MYO16: variants seen among roughly 807,000 people sequenced by gnomAD.
The protein encoded by MYO16 is myosin XVI.
Under a neutral mutation model 205.3 loss-of-function variants are expected in MYO16, and 94 were observed. The observed-to-expected ratio is 0.46, with a 90% CI of 0.39 to 0.54. MYO16 has a LOEUF of 0.54. Ranked by LOEUF, MYO16 falls within the 20% of genes least tolerant of loss-of-function variation. The pLI, the probability that MYO16 is intolerant of heterozygous loss-of-function variation, is 0.00. For missense variants in MYO16, 2,315 were observed against 2,387.5 expected (o/e 0.97, Z 0.63); for synonymous variants, 988 against 954.0 (o/e 1.04, Z -0.66).
intron 20 of MYO16, among the ~76,000 whole-genome samples, chr13:108,966,247 T>TA (rs2139377407): frequency 6.6e-6 from 1 of 152,294 alleles, no homozygotes; most frequent in African/African-American, 2.4e-5. Flanking sequence ...CCTATAAGTA[T>TA]AAAGATGATT....
At chr13:108,998,104 TG>T (rs772061750) in intron 21 of MYO16, among the ~76,000 whole-genome samples, 4 of 152,218 alleles carry the variant, frequency 2.6e-5, no homozygotes, top group Non-Finnish European at 5.9e-5. Flanking sequence ...AATATTTTAA[TG>T]CCCTTCATTG....
chr13:109,060,373 C>T (rs1000876737), intron 27 of MYO16, among the ~76,000 whole-genome samples: 1 of 152,018 alleles, frequency 6.6e-6, no homozygotes, highest in Non-Finnish European at 1.5e-5. Context: ...TATCAGCAAA[C>T]TGACACAGGA....
rs139325017 is a variant in MYO16 at position 109,058,984 on chromosome 13, C to T, written c.3335+3389C>T. ...AGAAAACACTTTGTTCATCCATAAG[C>T]AGCAACTCCTCATCCATTAATATTT... On this transcript the variant is annotated intron_variant, in intron 27 of 34. Transcript: ENST00000457511. Among the ~76,000 whole-genome samples the T allele has an allele frequency of 2.5e-3, 384 of 152,246 alleles. 2 individuals are homozygous for T. The highest frequency in any genetic ancestry group is 8.8e-3 in the African/African-American group (365 of 41,544).
At chr13:108,687,133 T>A (rs187597812) in intron 2 of MYO16, among the ~76,000 whole-genome samples, 2 of 152,344 alleles carry the variant, frequency 1.3e-5, no homozygotes, top group East Asian at 3.9e-4. Flanking sequence ...TTCCACACAA[T>A]GGAAGAAGAT....
At chr13:108,657,323 T>C (rs1017771918) in intron 1 of MYO16, among the ~76,000 whole-genome samples, 1 of 152,168 alleles carries the variant, frequency 6.6e-6, no homozygotes, top group African/African-American at 2.4e-5. Flanking sequence ...AAAGCCACAG[T>C]TAGGAAATGT....
rs748878171 is a variant in MYO16, at chr13:108,785,686, T to G, written c.559T>G (p.Tyr187Asp). The G allele has an allele frequency of 6.2e-7, 1 of 1,613,692 alleles. No homozygotes were observed. The highest frequency in any genetic ancestry group is 8.5e-7 in the Non-Finnish European group (1 of 1,179,886). The part of the protein sequence containing the change: ...QDVNGNIPLD[Y>D]AVEGTESSSI... The stretch of plus-strand genomic sequence containing the variant: ...TGTGAATGGAAATATCCCATTAGAT[T>G]ATGCTGTAGAAGGGACAGAATCCAG... The change falls in exon 5 of 35, where the codon TAT becomes GAT. Residue 187 changes from tyrosine to aspartate, a missense_variant. By Grantham distance (160) the Tyr-to-Asp change is radical. This residue lies in a region of MYO16 where 1,213 missense variants were observed against 1,274.4 expected (regional missense o/e 0.95). Transcript: ENST00000457511.
At chr13:109,104,317 T>C (rs1889058571) in intron 28 of MYO16, among the ~76,000 whole-genome samples, 1 of 152,252 alleles carries the variant, frequency 6.6e-6, no homozygotes, top group Admixed American at 6.5e-5. Flanking sequence ...TTTATTCATC[T>C]GAGCAGCCTG....
At chr13:108,802,666 T>C (rs865831045) in intron 6 of MYO16, among the ~76,000 whole-genome samples, 5 of 152,226 alleles carry the variant, frequency 3.3e-5, no homozygotes, top group African/African-American at 4.8e-5. Flanking sequence ...TTTTCCATAA[T>C]GGCTGTGCTA....
chr13:108,540,004 A>C, the MYO16 span, among the ~76,000 whole-genome samples: 2 of 152,144 alleles, frequency 1.3e-5, no homozygotes, highest in African/African-American at 2.4e-5. Flanking sequence ...AGGTTATGCA[A>C]CCAATGTTTG....
intron 23 of MYO16, among the ~76,000 whole-genome samples, chr13:109,034,926 A>G (rs1221328423): frequency 5.9e-5 from 9 of 152,188 alleles, no homozygotes; most frequent in Admixed American, 2.0e-4. Flanking sequence ...TTAAATAGAT[A>G]AGAAACTGTG....
chr13:109,089,558 A>T (rs570418657), intron 27 of MYO16, among the ~76,000 whole-genome samples: 1 of 152,072 alleles, frequency 6.6e-6, no homozygotes. Context: ...ATTATTCTGT[A>T]TGTTGGTTGT....
chr13:108,576,741 G>A, the MYO16 span, among the ~76,000 whole-genome samples: 11 of 152,092 alleles, frequency 7.2e-5, no homozygotes, highest in South Asian at 2.1e-3. Flanking sequence ...AGTGAACTTT[G>A]CAGTGTTTTT....
At chr13:108,847,929 G>A (rs1877605514) in intron 10 of MYO16, among the ~76,000 whole-genome samples, 1 of 151,658 alleles carries the variant, frequency 6.6e-6, no homozygotes, top group Non-Finnish European at 1.5e-5. Flanking sequence ...TTTAAATTAG[G>A]TTTAAGGTTG....
At chr13:108,651,259 G>A (rs1880990582) in intron 1 of MYO16, among the ~76,000 whole-genome samples, 1 of 152,140 alleles carries the variant, frequency 6.6e-6, no homozygotes, top group African/African-American at 2.4e-5. Context: ...CAACCTGCAG[G>A]GCATAGTACA....
intron 16 of MYO16, among the ~76,000 whole-genome samples, chr13:108,952,323 C>G (rs1054073863): frequency 1.3e-5 from 2 of 152,114 alleles, no homozygotes; most frequent in African/African-American, 4.8e-5. Context: ...TGCGTCCCAT[C>G]CGCCTTGCAG....
rs1229853625 is a variant in MYO16, at chr13:108,806,936, A to G, written c.867+132A>G. On this transcript the variant is annotated intron_variant, in intron 7 of 34. Coordinates refer to ENST00000457511, the MANE Select transcript of MYO16 (RefSeq NM_001198950.3). ...ATTTGACTTTTAATAGTGTCTTCTT[A>G]CTGAACAAATATTTTTATGGTTAAA... 8.2e-6 allele frequency: 5 copies of G among 608,836 alleles called. No homozygotes were observed. The African/African-American group carries it at 9.5e-5, about 12-fold the overall frequency. The allele number at this position is 608,836 out of a possible 1,614,324, so 37.7% of individuals were successfully genotyped here. A position where few individuals can be genotyped will look rare whatever the true frequency, so the allele number is the denominator to read the frequency against.
At chr13:108,767,840 T>C (rs1488598471) in intron 4 of MYO16, among the ~76,000 whole-genome samples, 1 of 152,178 alleles carries the variant, frequency 6.6e-6, no homozygotes, top group African/African-American at 2.4e-5. Flanking sequence ...TGGTTTGATA[T>C]ATTGGTTCAT....
chr13:109,207,049 A>T lies in MYO16; in HGVS notation c.*213A>T, dbSNP rs1880630764. 1 of 536,004 alleles carries T rather than the reference A, an allele frequency of 1.9e-6. No individual in the cohort carries two copies. Among genetic ancestry groups the T allele is most frequent in the Non-Finnish European group, 3.3e-6 (1 of 299,960 alleles). 33.2% of individuals were successfully genotyped at this position (536,004 alleles called of 1,614,324 possible). On this transcript the variant is annotated 3_prime_UTR_variant, in exon 35 of 35. Coordinates refer to ENST00000457511, the MANE Select transcript of MYO16 (RefSeq NM_001198950.3). ...GTTCTTTCTTATCCATCTCGTGGTG[A>T]TACACTCTGATTTTCAAGCTCCTCA...
the MYO16 span, among the ~76,000 whole-genome samples, chr13:108,573,265 C>T: frequency 1.3e-4 from 20 of 152,154 alleles, no homozygotes; most frequent in South Asian, 4.1e-4. Context: ...ATCTTAGATG[C>T]GGATTATAGG....
Sources: gnomAD v4.1 joint callset for allele counts (sites outside exome capture counted in the v4.1 genomes callset) on GRCh38, gnomAD v4.1.1 for gene constraint, gnomAD v4.1.1 regional missense constraint, MANE v1.5 for transcripts, NCBI Gene and HGNC (gene_info 2026-07-23, HGNC 2026-07-21) for gene names.